NKAIN2: variants seen among roughly 807,000 people sequenced by gnomAD.
The protein encoded by NKAIN2 is sodium/potassium transporting ATPase interacting 2, also known as sodium/potassium-transporting ATPase subunit beta-1-interacting protein 2.
In NKAIN2, 14 loss-of-function variants were observed where a neutral mutation model predicts 32.6. That is an observed-to-expected ratio of 0.43 (90% CI 0.28 to 0.67). The LOEUF is 0.67. Among genes scored for constraint, NKAIN2 ranks in the 30% least tolerant of loss-of-function variants. NKAIN2 has a pLI of 0.17. For synonymous variants in NKAIN2, 80 were observed against 87.2 expected, an observed-to-expected ratio of 0.92 and a Z score of 0.46; for missense variants, 198 against 258.3, an observed-to-expected ratio of 0.77 and a Z score of 1.60.
At chr6:124,563,230 G>C (rs768192068) in intron 3 of NKAIN2, among the ~76,000 whole-genome samples, 2 of 152,030 alleles carry the variant, frequency 1.3e-5, no homozygotes, top group Admixed American at 6.6e-5. Context: ...AGAGTTACTG[G>C]CTTACACTTT....
At chr6:124,322,086 T>C (rs942788373) in intron 2 of NKAIN2, among the ~76,000 whole-genome samples, 7 of 152,060 alleles carry the variant, frequency 4.6e-5, no homozygotes, top group Non-Finnish European at 1.0e-4. Context: ...ACAAAATAAT[T>C]CCAACCAAAA....
At chr6:124,705,643 C>T (rs1015509336) in intron 4 of NKAIN2, among the ~76,000 whole-genome samples, 3 of 152,030 alleles carry the variant, frequency 2.0e-5, no homozygotes, top group Non-Finnish European at 2.9e-5. Context: ...AGACTAGAAA[C>T]AGGCAAATTA....
intron 4 of NKAIN2, among the ~76,000 whole-genome samples, chr6:124,659,964 T>C (rs1784687344): frequency 6.6e-6 from 1 of 152,190 alleles, no homozygotes; most frequent in South Asian, 2.1e-4. Context: ...CAAACTCTTC[T>C]GTAATAGTTT....
chr6:124,623,410 T>C (rs1257081249), intron 3 of NKAIN2, among the ~76,000 whole-genome samples: 1 of 152,142 alleles, frequency 6.6e-6, no homozygotes, highest in African/African-American at 2.4e-5. Context: ...AAAACTAAAA[T>C]TAATTTCTTA....
chr6:124,814,690 C>A (rs1381365754), intron 5 of NKAIN2, among the ~76,000 whole-genome samples: 21 of 152,116 alleles, frequency 1.4e-4, no homozygotes, highest in Non-Finnish European at 3.1e-4. Context: ...TCCCTCCTGG[C>A]CTTTTCTTGT....
intron 3 of NKAIN2, among the ~76,000 whole-genome samples, chr6:124,476,671 C>A (rs1266882250): frequency 6.6e-6 from 1 of 152,142 alleles, no homozygotes; most frequent in African/African-American, 2.4e-5. Context: ...TACCCCATGA[C>A]AGCACCAAGT....
At chr6:124,523,267 T>A (rs189151266) in intron 3 of NKAIN2, among the ~76,000 whole-genome samples, 2 of 152,282 alleles carry the variant, frequency 1.3e-5, no homozygotes, top group East Asian at 3.9e-4. Context: ...TATGTTCATA[T>A]GTTTTACCTG....
At chr6:124,778,940 G>A (rs6941599) in intron 4 of NKAIN2, among the ~76,000 whole-genome samples, 6,548 of 151,996 alleles carry the variant, frequency 0.043, 163 homozygotes, top group Middle Eastern at 0.075. Flanking sequence ...TATATTTTTT[G>A]CTTCTCCTAG....
intron 3 of NKAIN2, among the ~76,000 whole-genome samples, chr6:124,642,683 T>TTCA (rs1334891008): frequency 6.6e-6 from 1 of 152,196 alleles, no homozygotes; most frequent in African/African-American, 2.4e-5. Flanking sequence ...CAGGATGTTA[T>TTCA]TCATCATGGA....
chr6:124,637,661 T>C (rs998579247), intron 3 of NKAIN2, among the ~76,000 whole-genome samples: 1 of 151,912 alleles, frequency 6.6e-6, no homozygotes, highest in African/African-American at 2.4e-5. Flanking sequence ...ACACAATCCA[T>C]TTAAAATAGC....
intron 4 of NKAIN2, among the ~76,000 whole-genome samples, chr6:124,776,563 A>G (rs78944534): frequency 0.021 from 3,123 of 152,220 alleles, 97 homozygotes; most frequent in African/African-American, 0.07. Flanking sequence ...GGGAGGTGAA[A>G]GGGTAGGATG....
chr6:124,621,096 C>T (rs1028219765), intron 3 of NKAIN2, among the ~76,000 whole-genome samples: 3 of 152,186 alleles, frequency 2.0e-5, no homozygotes, highest in African/African-American at 7.2e-5. Context: ...GCCTGAGTCT[C>T]ATTCCCAGAG....
intron 3 of NKAIN2, among the ~76,000 whole-genome samples, chr6:124,587,246 T>A (rs983531724): frequency 4.6e-5 from 7 of 152,118 alleles, no homozygotes; most frequent in African/African-American, 1.4e-4. Context: ...CCTCTTTTTT[T>A]TTGAGATGGA....
At chr6:123,946,825 T>G (rs908040123) in intron 1 of NKAIN2, among the ~76,000 whole-genome samples, 3 of 152,204 alleles carry the variant, frequency 2.0e-5, no homozygotes, top group African/African-American at 7.2e-5. Flanking sequence ...AAGAGAGTTC[T>G]CTGCCACATG....
At chr6:123,950,850 G>C (rs1243849394) in intron 1 of NKAIN2, among the ~76,000 whole-genome samples, 1 of 151,670 alleles carries the variant, frequency 6.6e-6, no homozygotes, top group African/African-American at 2.4e-5. Context: ...GGATTGTTCT[G>C]GCTTTTGTAG....
intron 3 of NKAIN2, among the ~76,000 whole-genome samples, chr6:124,512,919 G>T (rs1009181440): frequency 6.6e-6 from 1 of 152,056 alleles, no homozygotes; most frequent in East Asian, 1.9e-4. Flanking sequence ...TTTAAAAATA[G>T]CAAGACATTA....
rs1461125249 is a variant in NKAIN2 at position 124,712,465 on chromosome 6, G to A, written c.474+54079G>A. ...TCTCAGACTGCTGTGCTAGCAATCA[G>A]CGAGACTCCGTGGGCGTAGGACCCT... On this transcript the variant is annotated intron_variant, in intron 4 of 6. Transcript: ENST00000368417. Among the ~76,000 whole-genome samples the A allele has an allele frequency of 3.5e-5, 4 of 115,426 alleles. 1 individual carries two copies. Among genetic ancestry groups the A allele is most frequent in the Non-Finnish European group, 7.3e-5 (4 of 54,586 alleles). 75.7% of individuals were successfully genotyped at this position (115,426 alleles called of 152,430 possible). A position where few individuals can be genotyped will look rare whatever the true frequency, so the allele number is the denominator to read the frequency against.
chr6:124,126,632 A>G (rs1786180143), intron 1 of NKAIN2, among the ~76,000 whole-genome samples: 1 of 152,140 alleles, frequency 6.6e-6, no homozygotes, highest in Admixed American at 6.5e-5. Flanking sequence ...CATTACAGAG[A>G]GACAAATAGC....
At chr6:124,713,149 TAATCTTCACAGC>T (rs1368036794) in intron 4 of NKAIN2, among the ~76,000 whole-genome samples, 1 of 152,190 alleles carries the variant, frequency 6.6e-6, no homozygotes, top group Non-Finnish European at 1.5e-5. Context: ...CATAACTCAT[TAATCTTCACAGC>T]AATCCTATGA....
Sources: gnomAD v4.1 joint callset for allele counts (sites outside exome capture counted in the v4.1 genomes callset) on GRCh38, gnomAD v4.1.1 for gene constraint, MANE v1.5 for transcripts, NCBI Gene and HGNC (gene_info 2026-07-23, HGNC 2026-07-21) for gene names.